Variants in PTK7 observed in about 807,000 individuals in gnomAD.
PTK7 encodes protein tyrosine kinase 7 (inactive), also known as inactive tyrosine-protein kinase 7.
PTK7 carries 39 observed loss-of-function variants against 116.6 expected under a neutral mutation model. That is an observed-to-expected ratio of 0.33 (90% CI 0.26 to 0.44). The LOEUF (loss-of-function observed/expected upper bound fraction) is 0.44. Ranked by LOEUF, PTK7 falls within the 20% of genes least tolerant of loss-of-function variation. PTK7 has a pLI of 1.00. For missense variants in PTK7, 1,169 were observed against 1,425.6 expected, an observed-to-expected ratio of 0.82 and a Z score of 2.90; for synonymous variants, 546 against 563.6, an observed-to-expected ratio of 0.97 and a Z score of 0.44.
In PTK7 at chr6:43,152,939, C is replaced by G. The variant is rs561131849; in HGVS notation, c.2722-5878C>G. Among the ~76,000 whole-genome samples the G allele has an allele frequency of 6.6e-5, 10 of 151,928 alleles. No individual in the cohort carries two copies. In the East Asian group the frequency reaches 1.9e-3, roughly 29 times the overall value. The stretch of plus-strand genomic sequence containing the variant: ...TAGCTGGGATTACAGGTGCGTGCCA[C>G]CACACCTGGCTAATTTTTGTATTTT... On this transcript the variant is annotated intron_variant, in intron 17 of 19. Transcript: ENST00000230419.
Position 43,159,918 on chromosome 6 carries a change from C to A in PTK7, c.3004C>A (p.His1002Asn). 6.2e-7 allele frequency: 1 copy of A among 1,614,212 alleles called. No homozygotes were observed. The highest frequency in any genetic ancestry group is 8.5e-7 in the Non-Finnish European group (1 of 1,180,018). Residue 1002 changes from histidine (H) to asparagine (N), a missense_variant, in exon 19 of 20, where the codon CAT becomes AAT. Around this residue, in one of 3 missense-constraint regions of PTK7, gnomAD observed 678 missense variants for 853.8 expected, o/e 0.79. Transcript: ENST00000230419. The part of the protein sequence containing the change: ...FGVLMWEVFT[H>N]GEMPHGGQAD... ...TGTGCTGATGTGGGAAGTGTTTACACATGGAGAGATGCCCCATGGTGGGCA... is the reference window on the plus strand; with the variant it reads ...TGTGCTGATGTGGGAAGTGTTTACAAATGGAGAGATGCCCCATGGTGGGCA...
At chr6:43,113,778 G>A (rs1241946391) in intron 1 of PTK7, among the ~76,000 whole-genome samples, 1 of 152,174 alleles carries the variant, frequency 6.6e-6, no homozygotes, top group East Asian at 1.9e-4. Flanking sequence ...TAACAGTACG[G>A]CGCATTTATC....
intron 1 of PTK7, among the ~76,000 whole-genome samples, chr6:43,089,784 C>T (rs1766847032): frequency 6.6e-6 from 1 of 152,190 alleles, no homozygotes; most frequent in African/African-American, 2.4e-5. Flanking sequence ...GAAGGTCTCT[C>T]TCTCTCCTAT....
In PTK7 at chr6:43,097,653, C is replaced by G. The variant is rs138625404; in HGVS notation, c.79+21086C>G. Among the ~76,000 whole-genome samples the G allele has an allele frequency of 3.6e-3, 544 of 152,206 alleles. 3 individuals carry two copies. The highest frequency in any genetic ancestry group is 0.012 in the African/African-American group (489 of 41,530). On this transcript the variant is annotated intron_variant, in intron 1 of 19. Transcript: ENST00000230419. ...CAAATGCGGGGCATTGCTGGGTTGA[C>G]CAGATAATTTGTCATCCAAACATCC...
chr6:43,136,538 C>T (rs1770054480), intron 7 of PTK7, among the ~76,000 whole-genome samples: 2 of 152,156 alleles, frequency 1.3e-5, no homozygotes. Flanking sequence ...TTGACTGGGG[C>T]TATTGACCAG....
intron 17 of PTK7, 103 bp from the exon 18 acceptor site, chr6:43,158,714 G>A (rs1320934687): frequency 3.5e-5 from 45 of 1,277,238 alleles, no homozygotes; most frequent in African/African-American, 4.5e-5. Flanking sequence ...GGCTTCCTAC[G>A]CAGCACACCA....
At chr6:43,136,580 C>G (rs1770055666) in intron 7 of PTK7, among the ~76,000 whole-genome samples, 1 of 152,144 alleles carries the variant, frequency 6.6e-6, no homozygotes, top group South Asian at 2.1e-4. Flanking sequence ...ATGGCATCTC[C>G]AGTAGGCTAG....
At chr6:43,095,822 C>T (rs1767221273) in intron 1 of PTK7, among the ~76,000 whole-genome samples, 2 of 152,176 alleles carry the variant, frequency 1.3e-5, no homozygotes, top group African/African-American at 4.8e-5. Flanking sequence ...TTTGGAGGCC[C>T]TCTAAGATAC....
At position 43,132,556 on chromosome 6, in the gene PTK7, A is replaced by T. The variant is rs745703136; in HGVS notation, c.1097A>T (p.His366Leu). 2 of 1,613,412 alleles carry T rather than the reference A, an allele frequency of 1.2e-6. No homozygotes were observed. Among genetic ancestry groups the T allele is most frequent in the Non-Finnish European group, 1.7e-6 (2 of 1,179,824 alleles). Reference protein sequence around the residue: ...WEHAGVRLPTHGRVYQKGHEL... With the variant: ...WEHAGVRLPTLGRVYQKGHEL... ...CACGCGGGAGTCCGGCTGCCCACCC[A>T]TGGCAGGGTCTACCAGAAGGGCCAC... Residue 366 changes from histidine to leucine, a missense_variant, in exon 7 of 20, where the codon CAT (histidine) becomes CTT (leucine). Physicochemically the swap from His to Leu is moderately conservative, Grantham distance 99 (BLOSUM62 -3). Around this residue, in one of 3 missense-constraint regions of PTK7, gnomAD observed 487 missense variants for 549.8 expected, o/e 0.89. Coordinates refer to ENST00000230419, the MANE Select transcript of PTK7 (RefSeq NM_002821.5).
intron 1 of PTK7, among the ~76,000 whole-genome samples, chr6:43,114,885 C>CA (rs1431057767): frequency 6.6e-6 from 1 of 151,752 alleles, no homozygotes; most frequent in Non-Finnish European, 1.5e-5. Context: ...ACTAAAAATA[C>CA]AAAAAAATTA....
intron 1 of PTK7, among the ~76,000 whole-genome samples, chr6:43,105,911 A>G (rs1382022841): frequency 6.6e-6 from 1 of 152,128 alleles, no homozygotes; most frequent in African/African-American, 2.4e-5. Flanking sequence ...TAAGCCACCC[A>G]GTTGTGGTAA....
intron 1 of PTK7, among the ~76,000 whole-genome samples, chr6:43,077,231 G>A (rs2150363396): frequency 6.6e-6 from 1 of 152,372 alleles, no homozygotes; most frequent in East Asian, 1.9e-4. Flanking sequence ...GCCGAATCCG[G>A]GGATCCGAGG....
At chr6:43,105,748 G>A (rs1401406463) in intron 1 of PTK7, among the ~76,000 whole-genome samples, 1 of 152,164 alleles carries the variant, frequency 6.6e-6, no homozygotes, top group African/African-American at 2.4e-5. Flanking sequence ...TACAAGCCAA[G>A]GAGCACCAGG....
chr6:43,119,321 G>C (rs1029397246), intron 1 of PTK7, among the ~76,000 whole-genome samples: 6 of 152,160 alleles, frequency 3.9e-5, no homozygotes, highest in African/African-American at 1.2e-4. Context: ...GAATTTATCA[G>C]AGTTTTCTGA....
At chr6:43,087,856 T>A (rs535539416) in intron 1 of PTK7, among the ~76,000 whole-genome samples, 1 of 152,156 alleles carries the variant, frequency 6.6e-6, no homozygotes, top group Non-Finnish European at 1.5e-5. Flanking sequence ...CACAGATGTG[T>A]TTAGACTTGA....
chr6:43,146,814 CAT>C (rs2150459633), intron 17 of PTK7, 116 bp downstream of exon 17: 2 of 830,122 alleles, frequency 2.4e-6, no homozygotes, highest in Admixed American at 2.2e-5. Flanking sequence ...AAGAACTTCA[CAT>C]GTGTTACTGT....
chr6:43,132,322 G>A lies in PTK7; in HGVS notation c.962-99G>A, dbSNP rs1265392630. On this transcript the variant is annotated intron_variant, in intron 6 of 19. Coordinates refer to ENST00000230419, the MANE Select transcript of PTK7 (RefSeq NM_002821.5). ...GGATATGCAGAGGGCTGCAGGGGAG[G>A]GTTTGTGCTGGGAAAGGGCCTAGGC... is the stretch of plus-strand genomic sequence containing the variant. 1.5e-5 allele frequency: 23 copies of A among 1,500,564 alleles called. No homozygotes were observed. In the East Asian group the frequency reaches 4.8e-4, roughly 31 times the overall value. 93.0% of individuals were successfully genotyped at this position (1,500,564 alleles called of 1,614,324 possible). A position where few individuals can be genotyped will look rare whatever the true frequency, so the allele number is the denominator to read the frequency against.
At chr6:43,152,110 G>C (rs1204877052) in intron 17 of PTK7, among the ~76,000 whole-genome samples, 1 of 149,958 alleles carries the variant, frequency 6.7e-6, no homozygotes, top group Non-Finnish European at 1.5e-5. Flanking sequence ...GCCTCCCAAA[G>C]TGAGCCACCG....
chr6:43,152,224 A>G (rs1420782831), intron 17 of PTK7, among the ~76,000 whole-genome samples: 1 of 139,738 alleles, frequency 7.2e-6, no homozygotes, highest in Non-Finnish European at 1.5e-5. Context: ...TTATGTCTTC[A>G]CTGTTGATAA....
Sources: allele counts gnomAD v4.1 joint callset (sites outside exome capture counted in the v4.1 genomes callset), GRCh38; gene constraint gnomAD v4.1.1; regional missense constraint gnomAD v4.1.1; transcripts MANE v1.5; gene names NCBI Gene and HGNC (gene_info 2026-07-23, HGNC 2026-07-21).